The following ALDH1L1 variants were observed in gnomAD, a reference collection of about 807,000 sequenced individuals.
ALDH1L1 encodes the protein aldehyde dehydrogenase 1 family member L1.
In ALDH1L1, 68 loss-of-function variants were observed where a neutral mutation model predicts 101.1. That is an observed-to-expected ratio of 0.67 (90% CI 0.55 to 0.82). The LOEUF is 0.82. Among genes scored for constraint, ALDH1L1 ranks in the 40% least tolerant of loss-of-function variants. The pLI is 0.00. For synonymous variants in ALDH1L1, 486 were observed against 470.8 expected (o/e 1.03, Z -0.42); for missense variants, 1,087 against 1,172.7 (o/e 0.93, Z 1.07).
chr3:126,153,173 A>G, intron 7 of ALDH1L1: 1 of 502,732 alleles, frequency 2.0e-6, no homozygotes, highest in Non-Finnish European at 3.6e-6. Context: ...CCTGACACCC[A>G]CACAGGGCAC....
chr3:126,151,466 C>T (rs1351291205), intron 7 of ALDH1L1: 1 of 152,182 alleles, frequency 6.6e-6, no homozygotes, highest in East Asian at 1.9e-4. Context: ...TGACTCTGGG[C>T]TACTCTAGTG....
chr3:126,137,714 T>C, intron 10 of ALDH1L1, 99 bp downstream of exon 10: 3 of 1,487,618 alleles, frequency 2.0e-6, no homozygotes, highest in Non-Finnish European at 2.7e-6. Flanking sequence ...GGGCCCTGGC[T>C]TTCTGAATGT....
At chr3:126,191,720 C>T (rs2108354508) in intron 1 of ALDH1L1, among the ~76,000 whole-genome samples, 1 of 152,300 alleles carries the variant, frequency 6.6e-6, no homozygotes, top group Middle Eastern at 3.4e-3. Context: ...GAAACCCTTT[C>T]CACAGTCAGG....
At chr3:126,113,225 G>C (rs1267922658) in intron 18 of ALDH1L1, among the ~76,000 whole-genome samples, 1 of 152,198 alleles carries the variant, frequency 6.6e-6, no homozygotes, top group Non-Finnish European at 1.5e-5. Context: ...GGCTCACTGG[G>C]GCGGCCCAGG....
chr3:126,158,714 G>T, intron 2 of ALDH1L1, 75 bp from the exon 3 acceptor site: 1 of 1,432,258 alleles, frequency 7.0e-7, no homozygotes, highest in South Asian at 1.2e-5. Context: ...CTTCCCAGCA[G>T]AGCAGCTCAT....
intron 9 of ALDH1L1, among the ~76,000 whole-genome samples, chr3:126,141,111 T>G (rs114905507): frequency 6.6e-6 from 1 of 151,936 alleles, no homozygotes. Flanking sequence ...AAATATTCCA[T>G]GCAAATAGTA....
Position 126,124,554 on chromosome 3 carries a change from G to A in ALDH1L1, c.1801-103C>T, listed in dbSNP as rs957177492. On this transcript the variant is annotated intron_variant, in intron 15 of 22. Transcript: ENST00000393434. ...TCTCCCAGCAGCCCAGCAGCAAGCT[G>A]GGAGAGTAGCTGCAGATTGTGGCAC... The A allele has an allele frequency of 8.5e-6, 8 of 936,668 alleles. No individual in the cohort carries two copies. In the African/African-American group the frequency reaches 1.9e-4, roughly 23 times the overall value. 58.0% of individuals were successfully genotyped at this position (936,668 alleles called of 1,614,324 possible). A position where few individuals can be genotyped will look rare whatever the true frequency, so the allele number is the denominator to read the frequency against.
At chr3:126,132,839 C>T (rs890171757) in intron 12 of ALDH1L1, among the ~76,000 whole-genome samples, 3 of 152,214 alleles carry the variant, frequency 2.0e-5, no homozygotes, top group Middle Eastern at 6.3e-3. Context: ...GGAGGCAGGG[C>T]GCTGTCTGGT....
At chr3:126,194,930 G>A (rs2081573966) in intron 1 of ALDH1L1, among the ~76,000 whole-genome samples, 1 of 151,938 alleles carries the variant, frequency 6.6e-6, no homozygotes, top group Non-Finnish European at 1.5e-5. Flanking sequence ...CTTTCACAAT[G>A]TACACAGACC....
chr3:126,103,729 A>G lies in ALDH1L1; in HGVS notation c.*62T>C. On this transcript the variant is annotated 3_prime_UTR_variant, in exon 23 of 23. Coordinates refer to ENST00000393434, the MANE Select transcript of ALDH1L1 (RefSeq NM_012190.4). ...GGGAGGTGCTGTGCACCCAGGCTCA[A>G]GAGGGAGGGGGCCCCAGCCACGAGG... 1 of 1,578,628 alleles carries G rather than the reference A, an allele frequency of 6.3e-7. No individual in the cohort carries two copies. Among genetic ancestry groups the G allele is most frequent in the East Asian group, 2.3e-5 (1 of 44,252 alleles).
rs1205675719 is a variant in ALDH1L1, at chr3:126,150,281, C to T, written c.984+125G>A. The T allele has an allele frequency of 2.1e-6, 3 of 1,429,216 alleles. No homozygotes were observed. The Admixed American group carries it at 8.1e-5, about 39-fold the overall frequency. 88.5% of individuals were successfully genotyped at this position (1,429,216 alleles called of 1,614,324 possible). On this transcript the variant is annotated intron_variant, in intron 8 of 22. Transcript: ENST00000393434. ...AAGACGAGATAGAACCAACACTGCA[C>T]CTGGAGCCAAAACAGACACCCACAG...
In ALDH1L1 at chr3:126,158,651, T is replaced by G. The variant is rs1370223211; in HGVS notation, c.128-12A>C. ...CTCAGCTTCCAGACCTGTGGGACGG[T>G]GGATAAGAAACTGGCCCCTCTCCAT... On this transcript the variant is annotated splice_polypyrimidine_tract_variant and intron_variant, in intron 2 of 22. Transcript: ENST00000393434. The G allele has an allele frequency of 6.2e-7, 1 of 1,605,446 alleles. No homozygotes were observed. Among genetic ancestry groups the G allele is most frequent in the African/African-American group, 1.3e-5 (1 of 74,822 alleles).
intron 8 of ALDH1L1, among the ~76,000 whole-genome samples, chr3:126,147,688 C>T (rs1326859792): frequency 1.3e-5 from 2 of 152,162 alleles, no homozygotes; most frequent in East Asian, 3.9e-4. Flanking sequence ...GAACTCCAGG[C>T]CATTGTCAAT....
chr3:126,161,629 G>A (rs1171453813), intron 1 of ALDH1L1, among the ~76,000 whole-genome samples: 1 of 152,130 alleles, frequency 6.6e-6, no homozygotes, highest in Admixed American at 6.5e-5. Context: ...TCCAAAGATT[G>A]GTCATTCATT....
chr3:126,157,209 G>A, intron 4 of ALDH1L1, 134 bp downstream of exon 4: 2 of 1,109,082 alleles, frequency 1.8e-6, no homozygotes, highest in Non-Finnish European at 1.3e-6. Context: ...ACCTTGAAGT[G>A]AGAGCTCCTC....
In ALDH1L1 at chr3:126,120,799, TA is replaced by T. The variant is rs1200644136; in HGVS notation, c.1889-2702del. On this transcript the variant is annotated intron_variant, in intron 16 of 22. Coordinates refer to ENST00000393434, the MANE Select transcript of ALDH1L1 (RefSeq NM_012190.4). Reference sequence around the variant, plus strand: ...TTACTAGTAATAATAATAATAGTAATAAAAATAACAACACTCTCTTAGGCTA... The same window carrying T: ...TTACTAGTAATAATAATAATAGTAATAAAATAACAACACTCTCTTAGGCTA... Among the ~76,000 whole-genome samples, 16 of 152,140 alleles carry T rather than the reference TA, an allele frequency of 1.1e-4. 1 individual carries two copies. The highest frequency in any genetic ancestry group is 3.9e-4 in the African/African-American group (16 of 41,432).
At chr3:126,117,899 T>A (rs1576420728) in intron 17 of ALDH1L1, 106 bp downstream of exon 17, 2 of 1,138,370 alleles carry the variant, frequency 1.8e-6, no homozygotes, top group African/African-American at 3.1e-5. Flanking sequence ...CGGAAGTGGC[T>A]GTGCCCTGGA....
At chr3:126,166,857 C>T (rs1046531044) in intron 1 of ALDH1L1, among the ~76,000 whole-genome samples, 1 of 152,152 alleles carries the variant, frequency 6.6e-6, no homozygotes, top group Non-Finnish European at 1.5e-5. Flanking sequence ...AGTTTATACA[C>T]TACTTTTGCC....
At chr3:126,180,980 ACAG>A, upstream of ALDH1L1, 1 of 1,610,428 alleles carries the variant, frequency 6.2e-7, no homozygotes, top group Non-Finnish European at 8.5e-7. Flanking sequence ...TGCTACGGAC[ACAG>A]CAGAGCGAAA....
Sources: gnomAD v4.1 joint callset for allele counts (sites outside exome capture counted in the v4.1 genomes callset) on GRCh38, gnomAD v4.1.1 for gene constraint, MANE v1.5 for transcripts, NCBI Gene and HGNC (gene_info 2026-07-23, HGNC 2026-07-21) for gene names.